Variants in SPPL2B observed in about 807,000 individuals in gnomAD.
The protein encoded by SPPL2B is signal peptide peptidase like 2B.
In SPPL2B, 39 loss-of-function variants were observed where a neutral mutation model predicts 59.7. The observed-to-expected ratio is 0.65, with a 90% CI of 0.51 to 0.85. SPPL2B has a LOEUF of 0.85. Ranked by LOEUF, SPPL2B falls within the 40% of genes least tolerant of loss-of-function variation. The probability of loss-of-function intolerance (pLI) is 0.00; values close to 1 mark genes in which losing one functional copy is unlikely to be tolerated. For synonymous variants in SPPL2B, 419 were observed against 370.8 expected, an observed-to-expected ratio of 1.13 and a Z score of -1.49; for missense variants, 865 against 849.0, an observed-to-expected ratio of 1.02 and a Z score of -0.23.
At chr19:2,350,789 C>A (rs539389613) in intron 13 of SPPL2B, among the ~76,000 whole-genome samples, 4 of 152,354 alleles carry the variant, frequency 2.6e-5, no homozygotes, top group Admixed American at 6.5e-5. Context: ...AGACACTGCA[C>A]CAGTTTACGT....
chr19:2,342,890 C>A, intron 8 of SPPL2B: 1 of 356,092 alleles, frequency 2.8e-6, no homozygotes. Context: ...CCGTCCTGGC[C>A]CCACCATCTG....
At position 2,353,382 on chromosome 19, in the gene SPPL2B, CGCCCA is replaced by C. The variant is rs1179124039; in HGVS notation, c.*181_*185del. ...CCGAGACCCCTGCGGTCTGTGCCCGCGCCCAGCCCAGCTGCCCCGGCTGCACGCCT... is the reference window on the plus strand; with the variant it reads ...CCGAGACCCCTGCGGTCTGTGCCCGCGCCCAGCTGCCCCGGCTGCACGCCT... On this transcript the variant is annotated 3_prime_UTR_variant, in exon 15 of 15. Transcript: ENST00000613503. 3.5e-5 allele frequency: 28 copies of C among 790,332 alleles called. No homozygotes were observed. The highest frequency in any genetic ancestry group is 5.2e-5 in the Non-Finnish European group (27 of 520,194). The allele number at this position is 790,332 out of a possible 1,614,324, so 49.0% of individuals were successfully genotyped here. A position where few individuals can be genotyped will look rare whatever the true frequency, so the allele number is the denominator to read the frequency against.
intron 7 of SPPL2B, 137 bp downstream of exon 7, chr19:2,340,309 C>T: frequency 1.4e-6 from 1 of 719,830 alleles, no homozygotes; most frequent in Non-Finnish European, 2.2e-6. Context: ...TGGCCTGGGG[C>T]TCCTAGGCCC....
At chr19:2,348,854 C>T (rs1362065076) in intron 13 of SPPL2B, among the ~76,000 whole-genome samples, 1 of 148,990 alleles carries the variant, frequency 6.7e-6, no homozygotes. Flanking sequence ...TCCACACACA[C>T]TCACGCGCTG....
intron 1 of SPPL2B, among the ~76,000 whole-genome samples, chr19:2,331,978 T>G (rs996333988): frequency 1.3e-5 from 2 of 152,200 alleles, no homozygotes; most frequent in Admixed American, 1.3e-4. Context: ...GAGGAGGGGT[T>G]CTGGGGGGCT....
rs1243767091 is a variant in SPPL2B, at chr19:2,343,982, G to A, written c.1056G>A (p.Leu352=). 5.8e-6 allele frequency: 9 copies of A among 1,548,292 alleles called. No individual in the cohort carries two copies. Among genetic ancestry groups the A allele is most frequent in the Admixed American group, 3.9e-5 (2 of 50,956 alleles). ...CTTCGCAGGCCTGCACGCTGCTGCT[G>A]CTGGTGCTGTTCCTCTACGACATCT... is the stretch of plus-strand genomic sequence containing the variant. ...LPTFKACTLL[L]LVLFLYDIFF... Residue 352 remains leucine, a synonymous_variant, in exon 10 of 15, where the codon CTG becomes CTA. Coordinates refer to ENST00000613503, the MANE Select transcript of SPPL2B (RefSeq NM_152988.3).
At position 2,334,557 on chromosome 19, in the gene SPPL2B, C is replaced by T. The variant is rs763149495; in HGVS notation, c.67-45C>T. ...TGTTTCTCGTGGGGCGGTGCAGCCC[C>T]GCACGTCCCGTGCTGTGGCTCTGAC... On this transcript the variant is annotated intron_variant, in intron 1 of 14. Transcript: ENST00000613503. 59 of 1,578,240 alleles carry T rather than the reference C, an allele frequency of 3.7e-5. No individual in the cohort carries two copies. In the East Asian group the frequency reaches 6.8e-4, roughly 18 times the overall value.
chr19:2,340,059 C>T lies in SPPL2B; in HGVS notation c.743-17C>T, dbSNP rs747228091. On this transcript the variant is annotated splice_polypyrimidine_tract_variant and intron_variant, in intron 6 of 14. Transcript: ENST00000613503. Reference sequence around the variant, plus strand: ...CGTGCGGGCCTGGCCCCCGGCCTCACGGCCCTGCCCCTGCAGTGTACGTGG... The same window carrying T: ...CGTGCGGGCCTGGCCCCCGGCCTCATGGCCCTGCCCCTGCAGTGTACGTGG... 15 of 1,581,786 alleles carry T rather than the reference C, an allele frequency of 9.5e-6. No homozygotes were observed. The highest frequency in any genetic ancestry group is 5.7e-5 in the South Asian group (5 of 87,526).
intron 14 of SPPL2B, 165 bp downstream of exon 14, chr19:2,351,759 A>G: frequency 1.1e-6 from 1 of 923,218 alleles, no homozygotes; most frequent in East Asian, 2.8e-5. Context: ...GCCCCGGTGG[A>G]AGGACGTGCG....
chr19:2,353,666 C>T lies in SPPL2B; in HGVS notation c.*457C>T, dbSNP rs915826116. On this transcript the variant is annotated 3_prime_UTR_variant, in exon 15 of 15. Coordinates refer to ENST00000613503, the MANE Select transcript of SPPL2B (RefSeq NM_152988.3). ...CAGCTTTCTGTCTCCCAGAAGGCAT[C>T]GCTTTTCCCTCTTGAGCAGATCGGA... 4 of 172,386 alleles carry T rather than the reference C, an allele frequency of 2.3e-5. No individual in the cohort carries two copies. The highest frequency in any genetic ancestry group is 5.0e-5 in the Non-Finnish European group (4 of 80,640). The allele number at this position is 172,386 out of a possible 1,614,324, so 10.7% of individuals were successfully genotyped here.
chr19:2,350,958 G>A (rs1451758607), intron 13 of SPPL2B, among the ~76,000 whole-genome samples: 2 of 152,230 alleles, frequency 1.3e-5, no homozygotes, highest in African/African-American at 2.4e-5. Context: ...CGTGCCCTTT[G>A]ACCCCAAACA....
At chr19:2,350,475 T>A (rs575708446) in intron 13 of SPPL2B, among the ~76,000 whole-genome samples, 2 of 150,422 alleles carry the variant, frequency 1.3e-5, no homozygotes, top group Admixed American at 6.6e-5. Flanking sequence ...CCACACACAC[T>A]CACGCTTTCA....
At chr19:2,350,345 C>T (rs1452575683) in intron 13 of SPPL2B, among the ~76,000 whole-genome samples, 1 of 148,678 alleles carries the variant, frequency 6.7e-6, no homozygotes, top group African/African-American at 2.5e-5. Context: ...CACTCACGTG[C>T]TCTCATTCGC....
chr19:2,337,400 G>A, intron 2 of SPPL2B, 43 bp from the exon 3 acceptor site: 1 of 1,528,490 alleles, frequency 6.5e-7, no homozygotes, highest in Non-Finnish European at 8.8e-7. Flanking sequence ...CCCTCCTGGT[G>A]ACTCACATCA....
At chr19:2,339,432 G>A (rs1314686610) in intron 5 of SPPL2B, among the ~76,000 whole-genome samples, 1 of 152,226 alleles carries the variant, frequency 6.6e-6, no homozygotes, top group Non-Finnish European at 1.5e-5. Flanking sequence ...CTGGGCAGGT[G>A]TGGATGTGGC....
In SPPL2B at chr19:2,352,832, C is replaced by T. The variant is rs144741152; in HGVS notation, c.1516-114C>T. On this transcript the variant is annotated intron_variant, in intron 14 of 14. Coordinates refer to ENST00000613503, the MANE Select transcript of SPPL2B (RefSeq NM_152988.3). ...TTGGGTCCAGAGCCCCTGGGGATGGCGCCTCATTTTGACCCTGCCCCCGTG... is the reference window on the plus strand; with the variant it reads ...TTGGGTCCAGAGCCCCTGGGGATGGTGCCTCATTTTGACCCTGCCCCCGTG... 2.7e-3 allele frequency: 3,093 copies of T among 1,158,588 alleles called. 15 individuals are homozygous for T. Among genetic ancestry groups the T allele is most frequent in the Middle Eastern group, 0.011 (53 of 4,700 alleles). 71.8% of individuals were successfully genotyped at this position (1,158,588 alleles called of 1,614,324 possible).
intron 13 of SPPL2B, among the ~76,000 whole-genome samples, chr19:2,347,213 CCACA>C (rs1174439941): frequency 1.2e-4 from 18 of 144,210 alleles, no homozygotes; most frequent in Non-Finnish European, 2.0e-4. Flanking sequence ...TTCTCTCCCT[CCACA>C]CACACACTCA....
intron 2 of SPPL2B, among the ~76,000 whole-genome samples, chr19:2,335,577 C>T (rs181284702): frequency 1.0e-4 from 15 of 150,690 alleles, no homozygotes; most frequent in African/African-American, 2.7e-4. Context: ...CCTCTGGCCC[C>T]GCCTCCTTTC....
intron 2 of SPPL2B, among the ~76,000 whole-genome samples, chr19:2,336,680 G>C (rs1222323022): frequency 6.7e-6 from 1 of 150,364 alleles, no homozygotes; most frequent in Admixed American, 6.6e-5. Flanking sequence ...GCATGTGTCT[G>C]CTTGAGTGTG....
Sources: allele counts gnomAD v4.1 joint callset (sites outside exome capture counted in the v4.1 genomes callset), GRCh38; gene constraint gnomAD v4.1.1; transcripts MANE v1.5; gene names NCBI Gene and HGNC (gene_info 2026-07-23, HGNC 2026-07-21).